PCDH15: variants seen among roughly 807,000 people sequenced by gnomAD.
The protein encoded by PCDH15 is protocadherin-15.
A neutral mutation model predicts 178.5 loss-of-function variants in PCDH15; 129 were observed. The observed-to-expected ratio is 0.72, with a 90% CI of 0.63 to 0.84. PCDH15 has a LOEUF of 0.84. Ranked by LOEUF, PCDH15 falls within the 40% of genes least tolerant of loss-of-function variation. The pLI, the probability that PCDH15 is intolerant of heterozygous loss-of-function variation, is 0.00. For missense variants in PCDH15, 2,230 were observed against 2,099.9 expected (o/e 1.06, Z -1.21); for synonymous variants, 800 against 732.0 (o/e 1.09, Z -1.50).
At chr10:54,457,278 A>C (rs2076887364) in intron 3 of PCDH15, among the ~76,000 whole-genome samples, 1 of 152,162 alleles carries the variant, frequency 6.6e-6, no homozygotes, top group African/African-American at 2.4e-5. Context: ...CTCCTCAAAA[A>C]TGTATGCACT....
Position 55,107,484 on chromosome 10 carries a change from CTTTTTTTTTTTTTTTTTTTTT to C in PCDH15, c.-80+59071_-80+59091del, listed in dbSNP as rs11290952. 2.8e-4 allele frequency among the ~76,000 whole-genome samples: 24 copies of C among 86,250 alleles called. No individual in the cohort carries two copies. In the South Asian group the frequency reaches 0.011, roughly 40 times the overall value. The allele number at this position is 86,250 out of a possible 152,430, so 56.6% of individuals were successfully genotyped here. ...AAATACAATTACTGTATTCTCTTTC[CTTTTTTTTTTTTTTTTTTTTT>C]TTTTGAGATGGAGCCTCGCCCTGTT... is the stretch of plus-strand genomic sequence containing the variant. On this transcript the variant is annotated intron_variant, in intron 2 of 5. Coordinates refer to the PCDH15 transcript ENST00000458638.
chr10:54,013,015 C>T (rs1352992945), intron 20 of PCDH15, among the ~76,000 whole-genome samples: 2 of 151,898 alleles, frequency 1.3e-5, no homozygotes, highest in Non-Finnish European at 2.9e-5. Flanking sequence ...TTAAGAGGCC[C>T]ATCTCACATG....
intron 2 of PCDH15, among the ~76,000 whole-genome samples, chr10:54,944,189 G>A (rs1183090739): frequency 1.3e-5 from 2 of 151,898 alleles, no homozygotes; most frequent in Non-Finnish European, 2.9e-5. Context: ...GGGTGATTAG[G>A]GAAAAGTAAA....
intron 2 of PCDH15, among the ~76,000 whole-genome samples, chr10:55,456,819 T>G (rs1839564294): frequency 6.6e-6 from 1 of 152,144 alleles, no homozygotes; most frequent in South Asian, 2.1e-4. Context: ...GATAATGCTG[T>G]TGAGTCTGGT....
At chr10:54,082,019 T>C (rs1054917316) in intron 16 of PCDH15, among the ~76,000 whole-genome samples, 1 of 152,192 alleles carries the variant, frequency 6.6e-6, no homozygotes, top group African/African-American at 2.4e-5. Context: ...AAGAACTCTG[T>C]GGCATTTTGA....
intron 2 of PCDH15, among the ~76,000 whole-genome samples, chr10:55,135,054 T>TA (rs1431524334): frequency 6.6e-6 from 1 of 152,132 alleles, no homozygotes; most frequent in African/African-American, 2.4e-5. Context: ...CATCAGGAAA[T>TA]TTGGCCTTTT....
intron 5 of PCDH15, among the ~76,000 whole-genome samples, chr10:54,364,627 T>A (rs10825312): frequency 0.15 from 22,131 of 152,114 alleles, 1,828 homozygotes; most frequent in Middle Eastern, 0.22. Flanking sequence ...TTTTCTTTAC[T>A]TATTTTGACA....
chr10:54,281,745 C>A (rs1011928666), intron 8 of PCDH15, among the ~76,000 whole-genome samples: 2 of 151,812 alleles, frequency 1.3e-5, no homozygotes, highest in Admixed American at 1.3e-4. Flanking sequence ...TTTAGTACTA[C>A]CATCTATAAA....
At chr10:54,011,683 A>C (rs2092591085) in intron 20 of PCDH15, among the ~76,000 whole-genome samples, 1 of 152,200 alleles carries the variant, frequency 6.6e-6, no homozygotes, top group African/African-American at 2.4e-5. Flanking sequence ...ACTATTAAAA[A>C]TATTTTGCTA....
At chr10:53,971,279 A>G (rs989310314) in intron 21 of PCDH15, among the ~76,000 whole-genome samples, 4 of 152,196 alleles carry the variant, frequency 2.6e-5, no homozygotes, top group East Asian at 3.8e-4. Context: ...GTATTGATGT[A>G]ACCTATCTTA....
At chr10:55,527,225 CAA>C (rs1415771812) in intron 2 of PCDH15, among the ~76,000 whole-genome samples, 1 of 151,946 alleles carries the variant, frequency 6.6e-6, no homozygotes, top group African/African-American at 2.4e-5. Flanking sequence ...GAGTGGCTTA[CAA>C]AAAGAGAAAC....
intron 1 of PCDH15, among the ~76,000 whole-genome samples, chr10:54,769,991 G>A (rs1381644148): frequency 6.6e-6 from 1 of 152,030 alleles, no homozygotes; most frequent in Non-Finnish European, 1.5e-5. Flanking sequence ...CATTAAATTA[G>A]TTCAAATTGA....
chr10:54,089,157 A>C (rs2094560309), intron 16 of PCDH15, among the ~76,000 whole-genome samples: 1 of 152,212 alleles, frequency 6.6e-6, no homozygotes, highest in African/African-American at 2.4e-5. Flanking sequence ...TGGGAAGACT[A>C]ATTGACCAGC....
At chr10:54,270,318 TG>T (rs2057968161) in intron 8 of PCDH15, among the ~76,000 whole-genome samples, 1 of 152,156 alleles carries the variant, frequency 6.6e-6, no homozygotes, top group Non-Finnish European at 1.5e-5. Flanking sequence ...TTTTATCCAC[TG>T]CAGCAACTAG....
chr10:54,332,232 T>A (rs1461380491), intron 6 of PCDH15, among the ~76,000 whole-genome samples: 1 of 122,604 alleles, frequency 8.2e-6, no homozygotes, highest in South Asian at 2.3e-4. Flanking sequence ...GTTTTTTACA[T>A]ATATATAATA....
chr10:55,166,886 T>C (rs1437840566), intron 1 of PCDH15, among the ~76,000 whole-genome samples: 2 of 152,152 alleles, frequency 1.3e-5, no homozygotes, highest in Admixed American at 1.3e-4. Flanking sequence ...TTAGAATGCA[T>C]ATCTATGCCT....
At chr10:55,149,714 T>C (rs1838644866) in intron 2 of PCDH15, among the ~76,000 whole-genome samples, 1 of 151,738 alleles carries the variant, frequency 6.6e-6, no homozygotes. Flanking sequence ...CTTTCTCAGA[T>C]ATGCTTCTTT....
intron 2 of PCDH15, among the ~76,000 whole-genome samples, chr10:55,064,468 G>A (rs10825453): frequency 6.6e-6 from 1 of 151,818 alleles, no homozygotes; most frequent in African/African-American, 2.4e-5. Flanking sequence ...TGCACACAAA[G>A]GTACTCATAT....
chr10:54,802,578 T>C (rs561547460), upstream of PCDH15, among the ~76,000 whole-genome samples: 1 of 152,196 alleles, frequency 6.6e-6, no homozygotes, highest in Admixed American at 6.5e-5. Flanking sequence ...TTAGAACTGA[T>C]ATTTTTAGAT....
Sources: gnomAD v4.1 joint callset for allele counts (sites outside exome capture counted in the v4.1 genomes callset) on GRCh38, gnomAD v4.1.1 for gene constraint, MANE v1.5 for transcripts, NCBI Gene and HGNC (gene_info 2026-07-23, HGNC 2026-07-21) for gene names.